Variants in DOCK3 observed in about 807,000 individuals in gnomAD.
DOCK3 encodes the protein dedicator of cytokinesis 3, also known as dedicator of cytokinesis protein 3.
Under a neutral mutation model 265.6 loss-of-function variants are expected in DOCK3, and 60 were observed. The ratio of observed to expected loss-of-function variants is 0.23; its 90% CI spans 0.18 to 0.28. The LOEUF is 0.28. Among genes scored for constraint, DOCK3 ranks in the 10% least tolerant of loss-of-function variants. The probability of loss-of-function intolerance (pLI) is 1.00; values close to 1 mark genes in which losing one functional copy is unlikely to be tolerated. For missense variants in DOCK3, 1,981 were observed against 2,594.3 expected (o/e 0.76, Z 5.14); for synonymous variants, 881 against 938.0 (o/e 0.94, Z 1.11).
At chr3:50,771,077 C>G (rs2041245570) in intron 1 of DOCK3, among the ~76,000 whole-genome samples, 2 of 152,220 alleles carry the variant, frequency 1.3e-5, no homozygotes, top group East Asian at 3.9e-4. Flanking sequence ...CACAGGCAAC[C>G]AAAGCACACA....
chr3:50,896,827 C>T (rs1282377533), intron 4 of DOCK3, among the ~76,000 whole-genome samples: 2 of 152,132 alleles, frequency 1.3e-5, no homozygotes, highest in African/African-American at 4.8e-5. Context: ...TCTGAGGCCT[C>T]TGTTCTGTTC....
chr3:50,876,720 G>T, intron 3 of DOCK3: 1 of 153,260 alleles, frequency 6.5e-6, no homozygotes, highest in South Asian at 1.9e-4. Context: ...AAATTTGGCT[G>T]ACAATTTACT....
chr3:51,326,330 G>A (rs1394810832), intron 32 of DOCK3, among the ~76,000 whole-genome samples: 9 of 151,120 alleles, frequency 6.0e-5, no homozygotes, highest in African/African-American at 2.2e-4. Flanking sequence ...GCATGATCTC[G>A]GCTCACTGCA....
chr3:50,691,231 C>T (rs2035218490), intron 1 of DOCK3, among the ~76,000 whole-genome samples: 1 of 151,048 alleles, frequency 6.6e-6, no homozygotes, highest in Admixed American at 6.6e-5. Context: ...TTGCAGTGAG[C>T]CGAGATCGCA....
intron 27 of DOCK3, among the ~76,000 whole-genome samples, chr3:51,280,809 G>A (rs867841872): frequency 3.3e-5 from 5 of 152,074 alleles, no homozygotes; most frequent in African/African-American, 4.8e-5. Flanking sequence ...TGAGAGGATC[G>A]ATTGAGCCCA....
At chr3:51,054,984 G>T (rs1347820179) in intron 5 of DOCK3, among the ~76,000 whole-genome samples, 3 of 151,840 alleles carry the variant, frequency 2.0e-5, no homozygotes, top group Admixed American at 6.6e-5. Flanking sequence ...TTATTATATG[G>T]TGTTCTTTGT....
At chr3:51,062,149 T>A (rs962751931) in intron 5 of DOCK3, among the ~76,000 whole-genome samples, 1 of 152,222 alleles carries the variant, frequency 6.6e-6, no homozygotes, top group Admixed American at 6.5e-5. Context: ...TTATCTTCAA[T>A]AGAGCACTCA....
intron 49 of DOCK3, among the ~76,000 whole-genome samples, chr3:51,368,563 G>C (rs370400097): frequency 2.0e-5 from 3 of 152,202 alleles, no homozygotes; most frequent in Admixed American, 2.0e-4. Context: ...TGGGAAGCTC[G>C]AACTGGGTGG....
At chr3:50,755,221 C>T (rs139312651) in intron 1 of DOCK3, among the ~76,000 whole-genome samples, 26 of 152,234 alleles carry the variant, frequency 1.7e-4, no homozygotes, top group Non-Finnish European at 3.2e-4. Flanking sequence ...ACCATGTGAG[C>T]GAATGAAGTT....
intron 1 of DOCK3, among the ~76,000 whole-genome samples, chr3:50,680,370 C>T (rs1055785128): frequency 3.3e-5 from 5 of 151,634 alleles, no homozygotes; most frequent in Non-Finnish European, 7.4e-5. Context: ...CGCCGCCACA[C>T]CTGGCTAATT....
chr3:50,840,469 C>CT (rs1010528354), intron 2 of DOCK3, among the ~76,000 whole-genome samples: 12 of 152,144 alleles, frequency 7.9e-5, no homozygotes, highest in Non-Finnish European at 1.6e-4. Flanking sequence ...TTGTTGAAAA[C>CT]TTTTTTTTCC....
chr3:51,300,408 AT>A (rs1465618223), intron 27 of DOCK3, among the ~76,000 whole-genome samples: 1 of 152,138 alleles, frequency 6.6e-6, no homozygotes, highest in East Asian at 1.9e-4. Flanking sequence ...CTCTTGCCTG[AT>A]TGCCCTGGCC....
intron 2 of DOCK3, chr3:50,786,580 T>C (rs1209709073): frequency 1.7e-5 from 9 of 537,780 alleles, no homozygotes; most frequent in Admixed American, 6.9e-5. Flanking sequence ...TGTGCTGAAC[T>C]GTTCTTCTCT....
At chr3:50,868,369 G>A (rs562209051) in intron 3 of DOCK3, among the ~76,000 whole-genome samples, 15 of 152,170 alleles carry the variant, frequency 9.9e-5, no homozygotes, top group African/African-American at 3.4e-4. Flanking sequence ...ACCATGCCCG[G>A]CCTGCTTTTG....
intron 5 of DOCK3, among the ~76,000 whole-genome samples, chr3:50,956,628 A>G (rs1311365196): frequency 2.6e-5 from 4 of 152,028 alleles, no homozygotes; most frequent in African/African-American, 9.7e-5. Context: ...TCTTTGTTTT[A>G]TAGATAAGGA....
chr3:50,740,793 A>G (rs1420143695), intron 1 of DOCK3, among the ~76,000 whole-genome samples: 1 of 152,078 alleles, frequency 6.6e-6, no homozygotes, highest in Non-Finnish European at 1.5e-5. Context: ...CCTGGGTTTT[A>G]CTTTTTACCA....
chr3:51,137,970 C>G (rs541702678), intron 9 of DOCK3, among the ~76,000 whole-genome samples: 2 of 152,140 alleles, frequency 1.3e-5, no homozygotes, highest in African/African-American at 4.8e-5. Flanking sequence ...TTGAAGAATA[C>G]GAGTACTTGC....
At chr3:51,033,210 A>G (rs777140988) in intron 5 of DOCK3, among the ~76,000 whole-genome samples, 12 of 152,208 alleles carry the variant, frequency 7.9e-5, no homozygotes, top group Non-Finnish European at 1.6e-4. Context: ...GAGCATTGTC[A>G]TAGTGGAGAA....
chr3:51,051,772 A>G lies in DOCK3; in HGVS notation c.316-12676A>G, dbSNP rs568362808. ...GCAGACTGTACAAGCAAGGCCTTGT[A>G]TTTTCTCAGCTTCTGGGGAGGCCTC... On this transcript the variant is annotated intron_variant, in intron 5 of 52. Coordinates refer to ENST00000266037, the MANE Select transcript of DOCK3 (RefSeq NM_004947.5). Among the ~76,000 whole-genome samples the G allele has an allele frequency of 5.3e-5, 8 of 152,196 alleles. No homozygotes were observed. In the East Asian group the frequency reaches 5.8e-4, roughly 11 times the overall value.
Sources: allele counts gnomAD v4.1 joint callset (sites outside exome capture counted in the v4.1 genomes callset), GRCh38; gene constraint gnomAD v4.1.1; transcripts MANE v1.5; gene names NCBI Gene and HGNC (gene_info 2026-07-23, HGNC 2026-07-21).